IFNG-AS1: variants seen among roughly 807,000 people sequenced by gnomAD.
IFNG-AS1 encodes the protein IFNG antisense RNA 1 (non-protein coding).
intron 1 of IFNG-AS1, among the ~76,000 whole-genome samples, chr12:67,992,471 T>C (rs1879539302): frequency 1.3e-5 from 2 of 152,248 alleles, no homozygotes; most frequent in South Asian, 2.1e-4. Context: ...AGGACACATA[T>C]ACTGTTAGTT....
intron 1 of IFNG-AS1, among the ~76,000 whole-genome samples, chr12:67,995,748 G>T (rs892163110): frequency 2.0e-5 from 3 of 148,890 alleles, no homozygotes; most frequent in Non-Finnish European, 4.5e-5. Flanking sequence ...GAAAAGAAAA[G>T]AAATGGCAGG....
chr12:68,019,452 T>C (rs1880234980), intron 3 of IFNG-AS1, among the ~76,000 whole-genome samples: 1 of 152,144 alleles, frequency 6.6e-6, no homozygotes, highest in South Asian at 2.1e-4. Context: ...CAGATATCCA[T>C]GCTAATATAC....
chr12:68,008,183 G>A (rs565199309), intron 3 of IFNG-AS1, among the ~76,000 whole-genome samples: 125 of 152,280 alleles, frequency 8.2e-4, no homozygotes, highest in Middle Eastern at 3.4e-3. Context: ...TTGAGAGGCC[G>A]AGGCAGGCGG....
chr12:68,001,761 T>C lies in IFNG-AS1; in HGVS notation n.185-4329T>C, dbSNP rs138175518. 1.4e-3 allele frequency among the ~76,000 whole-genome samples: 218 copies of C among 152,290 alleles called. 1 individual carries two copies. The highest frequency in any genetic ancestry group is 2.5e-3 in the East Asian group (13 of 5,180). ...TTCTCTGATTTCATGGTTTGAAATC[T>C]CTAGGTGGCTATTTCAAAAAATGAA... is the stretch of plus-strand genomic sequence containing the variant. On this transcript the variant is annotated intron_variant and non_coding_transcript_variant, in intron 2 of 5. Transcript: ENST00000536914.
At chr12:68,018,532 C>T (rs1207536511) in intron 3 of IFNG-AS1, among the ~76,000 whole-genome samples, 1 of 152,114 alleles carries the variant, frequency 6.6e-6, no homozygotes, top group African/African-American at 2.4e-5. Context: ...TAACACCTTT[C>T]TTATCTGTCT....
chr12:68,006,831 CAT>C (rs1276724482), intron 3 of IFNG-AS1, among the ~76,000 whole-genome samples: 1 of 152,200 alleles, frequency 6.6e-6, no homozygotes, highest in African/African-American at 2.4e-5. Context: ...TTGAAACTCA[CAT>C]GAGACCCTAG....
At chr12:68,009,808 G>C (rs1879985302) in intron 3 of IFNG-AS1, among the ~76,000 whole-genome samples, 1 of 152,130 alleles carries the variant, frequency 6.6e-6, no homozygotes, top group African/African-American at 2.4e-5. Flanking sequence ...ATCTCATCCA[G>C]TGTGTAGAGA....
At chr12:68,018,952 A>G (rs1880222111) in intron 3 of IFNG-AS1, among the ~76,000 whole-genome samples, 1 of 152,028 alleles carries the variant, frequency 6.6e-6, no homozygotes, top group African/African-American at 2.4e-5. Flanking sequence ...CTTTGAGTGG[A>G]AGCAGAATTT....
intron 2 of IFNG-AS1, among the ~76,000 whole-genome samples, chr12:68,005,492 C>A (rs1012267294): frequency 1.3e-5 from 2 of 152,122 alleles, no homozygotes; most frequent in African/African-American, 2.4e-5. Flanking sequence ...CAAAAAAACC[C>A]AAAAACGAAA....
intron 2 of IFNG-AS1, among the ~76,000 whole-genome samples, chr12:67,999,167 C>T (rs1173001859): frequency 2.0e-5 from 3 of 151,936 alleles, no homozygotes; most frequent in African/African-American, 7.3e-5. Context: ...TGTATGAACT[C>T]GTGGTGATAG....
intron 2 of IFNG-AS1, chr12:68,001,250 C>A (rs1879761750): frequency 6.6e-6 from 1 of 152,182 alleles, no homozygotes; most frequent in African/African-American, 2.4e-5. Context: ...CAACCTAGTG[C>A]AGGGCACAGA....
chr12:68,006,496 T>C (rs1223412772), intron 3 of IFNG-AS1, among the ~76,000 whole-genome samples: 2 of 152,122 alleles, frequency 1.3e-5, no homozygotes, highest in Non-Finnish European at 2.9e-5. Flanking sequence ...ACATACCCAT[T>C]GCGCTATTGT....
chr12:68,011,330 A>T (rs752146544), intron 3 of IFNG-AS1, among the ~76,000 whole-genome samples: 4 of 152,194 alleles, frequency 2.6e-5, no homozygotes, highest in Non-Finnish European at 5.9e-5. Flanking sequence ...ATCATTCAAC[A>T]ATTTATTACT....
chr12:67,999,746 G>A (rs1023836338), intron 2 of IFNG-AS1, among the ~76,000 whole-genome samples: 5 of 152,154 alleles, frequency 3.3e-5, no homozygotes, highest in Non-Finnish European at 7.3e-5. Flanking sequence ...ACTAGTTGGC[G>A]ATGAGTGGGG....
At chr12:67,996,864 C>T (rs1339533699) in intron 2 of IFNG-AS1, among the ~76,000 whole-genome samples, 2 of 152,076 alleles carry the variant, frequency 1.3e-5, no homozygotes, top group African/African-American at 4.8e-5. Context: ...ATTTGTCAGA[C>T]TCAGCTAACT....
At chr12:68,018,257 G>A (rs749642406) in intron 3 of IFNG-AS1, among the ~76,000 whole-genome samples, 1 of 152,052 alleles carries the variant, frequency 6.6e-6, no homozygotes, top group Non-Finnish European at 1.5e-5. Context: ...GGAGGTTGCT[G>A]ATCTTGTCTT....
intron 2 of IFNG-AS1, among the ~76,000 whole-genome samples, chr12:68,003,964 T>TGTAAGCTTTGGTATGCTGAG (rs57502767): frequency 1.3e-5 from 2 of 150,836 alleles, no homozygotes; most frequent in East Asian, 2.0e-4. Context: ...TATGTTGGTT[T>TGTAAGCTTTGGTATGCTGAG]GTATGTGGCA....
chr12:67,993,164 C>A (rs1469178096), intron 1 of IFNG-AS1, among the ~76,000 whole-genome samples: 2 of 152,124 alleles, frequency 1.3e-5, no homozygotes, highest in African/African-American at 4.8e-5. Flanking sequence ...AAAAGAATTT[C>A]TTTTTCTTTA....
intron 2 of IFNG-AS1, among the ~76,000 whole-genome samples, chr12:68,004,412 T>C (rs1879860682): frequency 1.3e-5 from 2 of 152,192 alleles, no homozygotes; most frequent in African/African-American, 4.8e-5. Flanking sequence ...CTCTTCCCAA[T>C]GCTGGATCTT....
Sources: allele counts gnomAD v4.1 joint callset (sites outside exome capture counted in the v4.1 genomes callset), GRCh38; gene constraint gnomAD v4.1.1; transcripts MANE v1.5; gene names NCBI Gene and HGNC (gene_info 2026-07-23, HGNC 2026-07-21).